Variants in TRAPPC9 observed in about 807,000 individuals in gnomAD.
TRAPPC9 encodes IKK2 binding protein.
In TRAPPC9, 83 loss-of-function variants were observed where a neutral mutation model predicts 124.0. The observed-to-expected ratio is 0.67, with a 90% CI of 0.56 to 0.80. The LOEUF (loss-of-function observed/expected upper bound fraction) is 0.80. Among genes scored for constraint, TRAPPC9 ranks in the 30% least tolerant of loss-of-function variants. TRAPPC9 has a pLI of 0.00. For missense variants in TRAPPC9, 1,302 were observed against 1,508.3 expected, an observed-to-expected ratio of 0.86 and a Z score of 2.27; for synonymous variants, 638 against 617.5, an observed-to-expected ratio of 1.03 and a Z score of -0.49.
chr8:140,119,777 C>CT (rs1563775404), intron 17 of TRAPPC9, among the ~76,000 whole-genome samples: 2 of 152,304 alleles, frequency 1.3e-5, no homozygotes, highest in Non-Finnish European at 2.9e-5. Context: ...ACCATGGGGT[C>CT]TCTCAAATGT....
Position 140,272,130 on chromosome 8 carries a change from C to CAATGATGATGGTGATGGT in TRAPPC9, c.2278+3527_2278+3528insACCATCACCATCATCATT, listed in dbSNP as rs1450234909. On this transcript the variant is annotated intron_variant, in intron 15 of 22. Transcript: ENST00000438773. ...GTGGTGGTGGCAATGGTGATGGTGG[C>CAATGATGATGGTGATGGT]GATGGTGATGGTGATGGTGGTAGCA... Among the ~76,000 whole-genome samples the CAATGATGATGGTGATGGT allele has an allele frequency of 4.6e-3, 461 of 100,458 alleles. 1 individual carries two copies. The highest frequency in any genetic ancestry group is 0.011 in the African/African-American group (322 of 29,292). The allele number at this position is 100,458 out of a possible 152,430, so 65.9% of individuals were successfully genotyped here. A position where few individuals can be genotyped will look rare whatever the true frequency, so the allele number is the denominator to read the frequency against.
chr8:140,422,529 G>A (rs1426644078), intron 5 of TRAPPC9, among the ~76,000 whole-genome samples: 7 of 152,112 alleles, frequency 4.6e-5, no homozygotes, highest in South Asian at 4.1e-4. Flanking sequence ...CGAGGTGGGC[G>A]GATCACCTGA....
At chr8:140,456,042 G>A (rs2071651436) in intron 1 of TRAPPC9, among the ~76,000 whole-genome samples, 1 of 152,140 alleles carries the variant, frequency 6.6e-6, no homozygotes, top group African/African-American at 2.4e-5. Flanking sequence ...ACTGCTAATG[G>A]GTATGGAGTT....
intron 18 of TRAPPC9, among the ~76,000 whole-genome samples, chr8:140,020,404 T>C (rs913609997): frequency 1.3e-5 from 2 of 152,168 alleles, no homozygotes; most frequent in South Asian, 2.1e-4. Flanking sequence ...AGCAGGAGGA[T>C]TGCTTGAGGC....
At chr8:140,373,594 G>A (rs1036251322) in intron 7 of TRAPPC9, among the ~76,000 whole-genome samples, 4 of 151,692 alleles carry the variant, frequency 2.6e-5, no homozygotes, top group African/African-American at 9.8e-5. Flanking sequence ...TACAGTGAAA[G>A]GTCATGCCGA....
intron 20 of TRAPPC9, among the ~76,000 whole-genome samples, chr8:139,896,616 A>G (rs1396740833): frequency 1.3e-5 from 2 of 152,166 alleles, no homozygotes; most frequent in Admixed American, 6.5e-5. Flanking sequence ...CTGAACCCAC[A>G]CTCTGCTCTC....
intron 21 of TRAPPC9, among the ~76,000 whole-genome samples, chr8:139,847,989 G>T (rs959672846): frequency 6.6e-6 from 1 of 152,228 alleles, no homozygotes; most frequent in South Asian, 2.1e-4. Context: ...GCCTGGACTT[G>T]GTCTGCCGGA....
At chr8:139,950,147 G>A (rs533291851) in intron 19 of TRAPPC9, among the ~76,000 whole-genome samples, 101 of 152,310 alleles carry the variant, frequency 6.6e-4, no homozygotes, top group African/African-American at 2.2e-3. Context: ...GAAGCGGGGC[G>A]TGTGGCCACA....
chr8:140,421,984 C>CAAAA (rs35152459), intron 5 of TRAPPC9, among the ~76,000 whole-genome samples: 97 of 43,954 alleles, frequency 2.2e-3, no homozygotes, highest in African/African-American at 3.9e-3. Context: ...TCCCTCATGA[C>CAAAA]AAAAAAAAAA....
upstream of TRAPPC9, chr8:140,458,513 G>C: frequency 6.3e-7 from 1 of 1,583,386 alleles, no homozygotes; most frequent in Non-Finnish European, 8.6e-7. Flanking sequence ...GCCCCAGCCT[G>C]GGCCGGCTTC....
intron 21 of TRAPPC9, among the ~76,000 whole-genome samples, chr8:139,798,370 C>G (rs1823247832): frequency 1.3e-5 from 2 of 152,178 alleles, no homozygotes; most frequent in African/African-American, 4.8e-5. Flanking sequence ...GCAATAGAGA[C>G]TTTTAAACAG....
chr8:140,420,365 T>G (rs1445816939), intron 5 of TRAPPC9, among the ~76,000 whole-genome samples: 1 of 152,194 alleles, frequency 6.6e-6, no homozygotes, highest in African/African-American at 2.4e-5. Flanking sequence ...AATGACCATC[T>G]GATCCTAAAA....
chr8:139,995,861 TA>T (rs35970083), intron 18 of TRAPPC9, among the ~76,000 whole-genome samples: 2,314 of 96,872 alleles, frequency 0.024, 52 homozygotes, highest in African/African-American at 0.081. Flanking sequence ...TACTCTGCAT[TA>T]AAAAAAAAAA....
intron 7 of TRAPPC9, among the ~76,000 whole-genome samples, chr8:140,376,918 G>A (rs145011842): frequency 1.0e-3 from 152 of 152,024 alleles, no homozygotes; most frequent in Non-Finnish European, 1.7e-3. Context: ...GAAGATGGAT[G>A]GAGAGATGGC....
intron 14 of TRAPPC9, among the ~76,000 whole-genome samples, chr8:140,282,843 C>G (rs1053689295): frequency 6.6e-6 from 1 of 152,150 alleles, no homozygotes. Flanking sequence ...AAATCATTTA[C>G]AGTAATTGCT....
At chr8:140,113,440 A>G (rs1222237079) in intron 17 of TRAPPC9, among the ~76,000 whole-genome samples, 1 of 152,258 alleles carries the variant, frequency 6.6e-6, no homozygotes, top group East Asian at 1.9e-4. Context: ...CCATGGCAGG[A>G]TGAACTGTTT....
chr8:140,296,869 C>A (rs1211892296), intron 11 of TRAPPC9, among the ~76,000 whole-genome samples: 1 of 152,202 alleles, frequency 6.6e-6, no homozygotes, highest in Non-Finnish European at 1.5e-5. Flanking sequence ...CAGTTCATCA[C>A]CAACCCCAAT....
At chr8:140,138,927 G>T (rs951939046) in intron 17 of TRAPPC9, among the ~76,000 whole-genome samples, 5 of 152,112 alleles carry the variant, frequency 3.3e-5, no homozygotes, top group Non-Finnish European at 5.9e-5. Flanking sequence ...GTCTGAGGGT[G>T]CAGAGGGCTG....
intron 5 of TRAPPC9, among the ~76,000 whole-genome samples, chr8:140,407,673 G>A (rs1477028669): frequency 1.3e-5 from 2 of 152,244 alleles, no homozygotes; most frequent in East Asian, 3.9e-4. Context: ...GTACTGGAGT[G>A]CAGTGGCACG....
Sources: gnomAD v4.1 joint callset for allele counts (sites outside exome capture counted in the v4.1 genomes callset) on GRCh38, gnomAD v4.1.1 for gene constraint, MANE v1.5 for transcripts, NCBI Gene and HGNC (gene_info 2026-07-23, HGNC 2026-07-21) for gene names.